CDC42BPG: variants seen among roughly 807,000 people sequenced by gnomAD.
CDC42BPG encodes CDC42 binding protein kinase gamma, also known as serine/threonine-protein kinase MRCK gamma.
Under a neutral mutation model 192.2 loss-of-function variants are expected in CDC42BPG, and 157 were observed. The ratio of observed to expected loss-of-function variants is 0.82; its 90% CI spans 0.72 to 0.93. The LOEUF (loss-of-function observed/expected upper bound fraction) is 0.93. Ranked by LOEUF, CDC42BPG falls within the 40% of genes least tolerant of loss-of-function variation. The pLI is 0.00. For missense variants in CDC42BPG, 1,992 were observed against 2,122.1 expected, an observed-to-expected ratio of 0.94 and a Z score of 1.20; for synonymous variants, 981 against 918.5, an observed-to-expected ratio of 1.07 and a Z score of -1.23.
At chr11:64,835,307 G>C in intron 16 of CDC42BPG, 40 bp downstream of exon 16, 1 of 1,612,670 alleles carries the variant, frequency 6.2e-7, no homozygotes, top group East Asian at 2.2e-5. Context: ...CCATTGCCTT[G>C]TCCGTCTGTT....
intron 13 of CDC42BPG, 37 bp from the exon 14 acceptor site, chr11:64,835,888 G>T: frequency 6.4e-7 from 1 of 1,552,534 alleles, no homozygotes; most frequent in Non-Finnish European, 8.7e-7. Flanking sequence ...TGCCAACTCT[G>T]CCCTCGGCAG....
chr11:64,842,214 C>T (rs1312696722), intron 1 of CDC42BPG, among the ~76,000 whole-genome samples: 2 of 152,166 alleles, frequency 1.3e-5, no homozygotes, highest in Non-Finnish European at 2.9e-5. Flanking sequence ...AGTCTGCGGC[C>T]TGACTCTGCT....
chr11:64,824,185 G>A lies in CDC42BPG; in HGVS notation c.*288C>T. 1 of 479,226 alleles carries A rather than the reference G, an allele frequency of 2.1e-6. No individual in the cohort carries two copies. The highest frequency in any genetic ancestry group is 3.8e-6 in the Non-Finnish European group (1 of 260,524). The allele number at this position is 479,226 out of a possible 1,614,324, so 29.7% of individuals were successfully genotyped here. A position where few individuals can be genotyped will look rare whatever the true frequency, so the allele number is the denominator to read the frequency against. The stretch of plus-strand genomic sequence containing the variant: ...TCTGGGGGCTTGGCACTGGAAATAA[G>A]AGCTTTGGCACAATCACCCCTGGAC... On this transcript the variant is annotated 3_prime_UTR_variant, in exon 37 of 37. Coordinates refer to ENST00000342711, the MANE Select transcript of CDC42BPG (RefSeq NM_017525.3).
At position 64,833,264 on chromosome 11, in the gene CDC42BPG, G is replaced by A. The variant is rs1376234261; in HGVS notation, c.2698C>T (p.Leu900=). 1.3e-6 allele frequency: 2 copies of A among 1,548,794 alleles called. No homozygotes were observed. Among genetic ancestry groups the A allele is most frequent in the Non-Finnish European group, 1.7e-6 (2 of 1,146,618 alleles). ...CCCAGGCCCTGGCGGCCCAGGCCCA[G>A]CATCAGCGAGGTGCAGCGGAGACAC... ...TKCLRCTSLM[L]GLGRQGLGCD... is the part of the protein sequence containing the mutation. The change falls in exon 24 of 37, where the codon CTG becomes TTG. Residue 900 remains leucine, a synonymous_variant. Transcript: ENST00000342711.
chr11:64,839,313 C>A, intron 6 of CDC42BPG, 80 bp from the exon 7 acceptor site: 1 of 1,568,170 alleles, frequency 6.4e-7, no homozygotes. Context: ...GGCCCTGTCA[C>A]CCCTACTCTG....
rs765069441 is a variant in CDC42BPG, at chr11:64,830,049, C to G, written c.3389G>C (p.Cys1130Ser). The change falls in exon 30 of 37, where the codon TGC (cysteine) becomes TCC (serine). Residue 1130 changes from cysteine to serine, a missense_variant. Coordinates refer to ENST00000342711, the MANE Select transcript of CDC42BPG (RefSeq NM_017525.3). ...CAAGGTCAGCTGCTGCACGCGCCGG[C>G]ACTCCCCCACCTGGAAGATGTCTGC... ...RSNDIFQVGE[C>S]RRVQQLTLSP... 5 of 1,612,440 alleles carry G rather than the reference C, an allele frequency of 3.1e-6. No individual in the cohort carries two copies. In the African/African-American group the frequency reaches 4.0e-5, roughly 13 times the overall value.
rs1942588731 is a variant in CDC42BPG at position 64,829,627 on chromosome 11, G to A, written c.3811C>T (p.Pro1271Ser). The change falls in exon 30 of 37, where the codon CCA (proline) becomes TCA (serine). Residue 1271 changes from proline (P) to serine (S), a missense_variant. Pro to Ser is a moderately conservative substitution (Grantham distance 74, BLOSUM62 -1). Around this residue, in one of 2 missense-constraint regions of CDC42BPG, gnomAD observed 1,656 missense variants for 1,844.3 expected, o/e 0.90. Coordinates refer to ENST00000342711, the MANE Select transcript of CDC42BPG (RefSeq NM_017525.3). The part of the protein sequence containing the change: ...GAGLVPEELP[P>S]SRGGLGEALG... The stretch of plus-strand genomic sequence containing the variant: ...GCCTCACCCAGGCCCCCGCGGGATG[G>A]TGGCAGCTCCTCAGGCACCAAACCG... The A allele has an allele frequency of 6.2e-7, 1 of 1,611,470 alleles. No individual in the cohort carries two copies. The highest frequency in any genetic ancestry group is 1.3e-5 in the African/African-American group (1 of 74,934).
rs776608191 is a variant in CDC42BPG, at chr11:64,831,582, C to G, written c.3227G>C (p.Arg1076Pro). The change falls in exon 28 of 37, where the codon CGG (arginine) becomes CCG (proline). Residue 1076 changes from arginine (R) to proline (P), a missense_variant. By Grantham distance (103) the Arg-to-Pro change is moderately radical. This residue lies in a region of CDC42BPG where 1,656 missense variants were observed against 1,844.3 expected (regional missense o/e 0.90). Transcript: ENST00000342711. ...RLLLDARPRP[R>P]PVYTLKEAYD... ...AGCCTCCTTGAGTGTGTACACGGGC[C>G]GGGGTCTTGGCCGCGCGTCCAGCAG... 2 of 1,612,406 alleles carry G rather than the reference C, an allele frequency of 1.2e-6. No individual in the cohort carries two copies. Among genetic ancestry groups the G allele is most frequent in the Non-Finnish European group, 1.7e-6 (2 of 1,179,950 alleles).
Position 64,834,559 on chromosome 11 carries a change from G to A in CDC42BPG, c.2194C>T (p.Arg732Trp). The A allele has an allele frequency of 3.2e-6, 5 of 1,575,330 alleles. No individual in the cohort carries two copies. Among genetic ancestry groups the A allele is most frequent in the Non-Finnish European group, 4.3e-6 (5 of 1,157,092 alleles). Residue 732 changes from arginine (R) to tryptophan (W), a missense_variant, in exon 19 of 37, where the codon CGG (arginine) becomes TGG (tryptophan). Arg to Trp is a moderately radical substitution (Grantham distance 101, BLOSUM62 -3). Around this residue, in one of 2 missense-constraint regions of CDC42BPG, gnomAD observed 1,656 missense variants for 1,844.3 expected, o/e 0.90. Transcript: ENST00000342711. ...ARPLDHQWKA[R>W]RLQKMEASAR... ...GAGGCCTCCATCTTCTGCAGTCGCC[G>A]CGCCTTCCACTGGTGGTCCTGGTGG...
chr11:64,838,356 C>A (rs926484664), intron 8 of CDC42BPG, among the ~76,000 whole-genome samples, 194 bp from the exon 9 acceptor site: 1 of 152,190 alleles, frequency 6.6e-6, no homozygotes, highest in African/African-American at 2.4e-5. Context: ...CTTCCTTATA[C>A]GGATTCTAGT....
intron 34 of CDC42BPG, 62 bp from the exon 35 acceptor site, chr11:64,826,856 G>T: frequency 6.9e-7 from 1 of 1,451,982 alleles, no homozygotes; most frequent in South Asian, 1.4e-5. Flanking sequence ...AGAGGCCCAA[G>T]GCACAACAGA....
At position 64,825,076 on chromosome 11, in the gene CDC42BPG, C is replaced by A. The variant is rs547127928; in HGVS notation, c.4600-547G>T. 3.9e-5 allele frequency among the ~76,000 whole-genome samples: 6 copies of A among 152,190 alleles called. No homozygotes were observed. The East Asian group carries it at 7.7e-4, about 20-fold the overall frequency. Reference sequence around the variant, plus strand: ...GGATTACAAGCATGCACCACCAGGCCCAGCTAATTTTTGTATTTTTAGTAG... The same window carrying A: ...GGATTACAAGCATGCACCACCAGGCACAGCTAATTTTTGTATTTTTAGTAG... On this transcript the variant is annotated intron_variant, in intron 36 of 36. Coordinates refer to ENST00000342711, the MANE Select transcript of CDC42BPG (RefSeq NM_017525.3).
chr11:64,837,951 A>T (rs2136357972), intron 9 of CDC42BPG, 132 bp downstream of exon 9: 2 of 775,200 alleles, frequency 2.6e-6, no homozygotes, highest in Non-Finnish European at 2.2e-6. Context: ...TGAGGGCTAG[A>T]GCACCTGCCA....
At position 64,836,755 on chromosome 11, in the gene CDC42BPG, C is replaced by A; in HGVS notation, c.1368G>T (p.Leu456=). The change falls in exon 11 of 37, where the codon CTG becomes CTT. Residue 456 remains leucine, a synonymous_variant. Transcript: ENST00000342711. ...LEQLRKEVQT[L]RDRLPEMLRD... Reference sequence around the variant, plus strand: ...AAGGGATACCTGGCAGCCTGTCCCGCAGAGTCTGCACTTCCTTCCGTAGCT... The same window carrying A: ...AAGGGATACCTGGCAGCCTGTCCCGAAGAGTCTGCACTTCCTTCCGTAGCT... 1 of 1,541,850 alleles carries A rather than the reference C, an allele frequency of 6.5e-7. No individual in the cohort carries two copies. The highest frequency in any genetic ancestry group is 8.8e-7 in the Non-Finnish European group (1 of 1,142,490).
At position 64,835,181 on chromosome 11, in the gene CDC42BPG, C is replaced by T. The variant is rs780704851; in HGVS notation, c.1954-28G>A. 3.7e-6 allele frequency: 6 copies of T among 1,602,176 alleles called. No homozygotes were observed. In the South Asian group the frequency reaches 4.4e-5, roughly 12 times the overall value. ...GGGGCCGGCCAGAGGAAAGGTCAGC[C>T]CCAGGCCCCAGCAGTCCTGGGACTG... On this transcript the variant is annotated intron_variant, in intron 16 of 36. Coordinates refer to ENST00000342711, the MANE Select transcript of CDC42BPG (RefSeq NM_017525.3).
rs1943234362 is a variant in CDC42BPG, at chr11:64,840,543, G to A, written c.432+10C>T. 3.7e-6 allele frequency: 6 copies of A among 1,612,680 alleles called. No individual in the cohort carries two copies. Among genetic ancestry groups the A allele is most frequent in the African/African-American group, 1.3e-5 (1 of 75,036 alleles). ...GGATGTTCCCCTCCAGCCCCGCCAC[G>A]TATCCTCACCAGGTACTCCTCGTCT... On this transcript the variant is annotated intron_variant, in intron 4 of 36. Coordinates refer to ENST00000342711, the MANE Select transcript of CDC42BPG (RefSeq NM_017525.3).
rs767403805 is a variant in CDC42BPG at position 64,829,863 on chromosome 11, G to A, written c.3575C>T (p.Thr1192Ile). 7.5e-6 allele frequency: 12 copies of A among 1,608,154 alleles called. No homozygotes were observed. Reference sequence around the variant, plus strand: ...CTTGACGGCTACACAGAGCACCGGGGTGCGGGCCTGCAGGATGCTTCCAGC... The same window carrying A: ...CTTGACGGCTACACAGAGCACCGGGATGCGGGCCTGCAGGATGCTTCCAGC... ...LAAGSILQAR[T>I]PVLCVAVKRQ... is the part of the protein sequence containing the mutation. The change falls in exon 30 of 37, where the codon ACC becomes ATC. Residue 1192 changes from threonine to isoleucine, a missense_variant. By Grantham distance (89) the Thr-to-Ile change is moderately conservative (BLOSUM62 -1). This residue lies in a region of CDC42BPG where 1,656 missense variants were observed against 1,844.3 expected (regional missense o/e 0.90). Coordinates refer to ENST00000342711, the MANE Select transcript of CDC42BPG (RefSeq NM_017525.3).
In CDC42BPG at chr11:64,823,916, A is replaced by C. The variant is rs1592675412; in HGVS notation, c.*557T>G. The C allele has an allele frequency of 4.0e-5, 6 of 151,218 alleles. No individual in the cohort carries two copies. The highest frequency in any genetic ancestry group is 2.0e-4 in the East Asian group (1 of 5,030). 9.4% of individuals were successfully genotyped at this position (151,218 alleles called of 1,614,324 possible). A position where few individuals can be genotyped will look rare whatever the true frequency, so the allele number is the denominator to read the frequency against. On this transcript the variant is annotated 3_prime_UTR_variant, in exon 37 of 37. Transcript: ENST00000342711. ...CTTCTACCTCCTTCCAATTCCTATCACCTCCTCCTCCACTTCCTTCCTCCT... is the reference window on the plus strand; with the variant it reads ...CTTCTACCTCCTTCCAATTCCTATCCCCTCCTCCTCCACTTCCTTCCTCCT...
Position 64,827,267 on chromosome 11 carries a change from T to A in CDC42BPG, c.4271+11A>T. 2.5e-6 allele frequency: 4 copies of A among 1,613,448 alleles called. No homozygotes were observed. The highest frequency in any genetic ancestry group is 3.4e-6 in the Non-Finnish European group (4 of 1,179,724). ...CCACCCAGCCTCAGCCCCCGCGTCGTGCACGCGCACCTGCGCTGCTGCTTC... is the reference window on the plus strand; with the variant it reads ...CCACCCAGCCTCAGCCCCCGCGTCGAGCACGCGCACCTGCGCTGCTGCTTC... On this transcript the variant is annotated intron_variant, in intron 33 of 36. Transcript: ENST00000342711.
Sources: gnomAD v4.1 joint callset for allele counts (sites outside exome capture counted in the v4.1 genomes callset) on GRCh38, gnomAD v4.1.1 for gene constraint, gnomAD v4.1.1 regional missense constraint, MANE v1.5 for transcripts, NCBI Gene and HGNC (gene_info 2026-07-23, HGNC 2026-07-21) for gene names.